The following OSBPL2 variants were observed in gnomAD, a reference collection of about 807,000 sequenced individuals.
OSBPL2 encodes the protein oxysterol binding protein like 2.
In OSBPL2, 18 loss-of-function variants were observed where a neutral mutation model predicts 58.4. That is an observed-to-expected ratio of 0.31 (90% confidence interval 0.21 to 0.46). The LOEUF is 0.46. Ranked by LOEUF, OSBPL2 falls within the 20% of genes least tolerant of loss-of-function variation. OSBPL2 has a pLI of 1.00. For synonymous variants in OSBPL2, 221 were observed against 234.1 expected (o/e 0.94, Z 0.51); for missense variants, 461 against 616.5 (o/e 0.75, Z 2.67).
Position 62,279,801 on chromosome 20 carries a change from C to T in OSBPL2, c.674+462C>T, listed in dbSNP as rs562078239. On this transcript the variant is annotated intron_variant, in intron 7 of 13. Transcript: ENST00000313733. Reference sequence around the variant, plus strand: ...TGGCGCCTGTGTCCTGGCTCCCCTTCTGGGCTGCTTGCTGCAGGGCACTGC... The same window carrying T: ...TGGCGCCTGTGTCCTGGCTCCCCTTTTGGGCTGCTTGCTGCAGGGCACTGC... 1.3e-4 allele frequency: 41 copies of T among 314,256 alleles called. No individual in the cohort carries two copies. The South Asian group carries it at 4.0e-3, about 31-fold the overall frequency. The allele number at this position is 314,256 out of a possible 1,614,324, so 19.5% of individuals were successfully genotyped here.
intron 1 of OSBPL2, among the ~76,000 whole-genome samples, chr20:62,239,632 C>G (rs1350780662): frequency 6.6e-6 from 1 of 152,200 alleles, no homozygotes; most frequent in African/African-American, 2.4e-5. Context: ...TGCTGTGGGC[C>G]TGGCTGGGTG....
At chr20:62,240,858 C>T (rs1042013633) in intron 1 of OSBPL2, among the ~76,000 whole-genome samples, 3 of 152,164 alleles carry the variant, frequency 2.0e-5, no homozygotes, top group East Asian at 1.9e-4. Context: ...CCACCCAGCT[C>T]CTTTGTTACT....
At chr20:62,284,838 C>T (rs1258365755) in intron 10 of OSBPL2, 1 of 152,234 alleles carries the variant, frequency 6.6e-6, no homozygotes, top group Non-Finnish European at 1.5e-5. Context: ...CTGGGTCCTT[C>T]TTAATAAATC....
intron 4 of OSBPL2, among the ~76,000 whole-genome samples, chr20:62,267,143 G>A (rs1223429343): frequency 1.3e-5 from 2 of 152,196 alleles, no homozygotes; most frequent in Admixed American, 1.3e-4. Flanking sequence ...TACTCGGGTG[G>A]CTGATGTAGG....
At chr20:62,263,761 G>A (rs1981475041) in intron 4 of OSBPL2, 70 bp downstream of exon 4, 1 of 1,412,746 alleles carries the variant, frequency 7.1e-7, no homozygotes, top group Non-Finnish European at 1.0e-6. Context: ...TGCAGTGCTG[G>A]TGGTTTAAGA....
intron 1 of OSBPL2, among the ~76,000 whole-genome samples, chr20:62,252,335 C>G (rs1484660083): frequency 2.6e-5 from 4 of 152,178 alleles, no homozygotes; most frequent in African/African-American, 9.7e-5. Context: ...CCCTCTCCTT[C>G]TCTCTTTCTG....
At chr20:62,250,258 C>T (rs1417742537) in intron 1 of OSBPL2, among the ~76,000 whole-genome samples, 2 of 152,074 alleles carry the variant, frequency 1.3e-5, no homozygotes, top group Admixed American at 6.5e-5. Context: ...GATAAGGCCT[C>T]TTCATTTTTC....
intron 4 of OSBPL2, among the ~76,000 whole-genome samples, chr20:62,263,997 G>A (rs1305012441): frequency 1.3e-5 from 2 of 151,404 alleles, no homozygotes; most frequent in East Asian, 1.9e-4. Context: ...CCCAGGAGGC[G>A]GAGGTTGCAG....
chr20:62,267,204 T>C (rs1981736733), intron 4 of OSBPL2, among the ~76,000 whole-genome samples: 1 of 152,160 alleles, frequency 6.6e-6, no homozygotes, highest in African/African-American at 2.4e-5. Context: ...GTGATCACAT[T>C]ACTACACTCC....
Position 62,279,311 on chromosome 20 carries a change from C to G in OSBPL2, c.646C>G (p.Arg216Gly). Residue 216 changes from arginine (R) to glycine (G), a missense_variant, in exon 7 of 14, where the codon CGA becomes GGA. By Grantham distance (125) the Arg-to-Gly change is moderately radical (BLOSUM62 -2). This residue lies in a region of OSBPL2 where 319 missense variants were observed against 419.2 expected (regional missense o/e 0.76). Coordinates refer to ENST00000313733, the MANE Select transcript of OSBPL2 (RefSeq NM_144498.4). Reference protein sequence around the residue: ...FWGKSVEAEPRGTITLELLKH... With the variant: ...FWGKSVEAEPGGTITLELLKH... ...GGGCAAAAGCGTGGAGGCGGAGCCC[C>G]GAGGCACCATCACCCTGGAGCTGCT... 1 of 1,614,184 alleles carries G rather than the reference C, an allele frequency of 6.2e-7. No homozygotes were observed. Among genetic ancestry groups the G allele is most frequent in the Non-Finnish European group, 8.5e-7 (1 of 1,180,028 alleles).
intron 4 of OSBPL2, among the ~76,000 whole-genome samples, chr20:62,267,665 C>T (rs989067613): frequency 1.3e-5 from 2 of 152,188 alleles, no homozygotes; most frequent in African/African-American, 4.8e-5. Context: ...CTCATGTCTG[C>T]GTCTCTTTTC....
At chr20:62,243,033 G>A in intron 1 of OSBPL2, among the ~76,000 whole-genome samples, 1 of 152,190 alleles carries the variant, frequency 6.6e-6, no homozygotes, top group Non-Finnish European at 1.5e-5. Flanking sequence ...AGAGCCCCCT[G>A]TAACCTGGGA....
rs139953309 is a variant in OSBPL2, at chr20:62,291,288, G to A, written c.1250-415G>A. ...CACAGAAGCCACATGGCAGTTACCC[G>A]GGAAGGTCAAGGCTAAAGGGAGCTC... is the stretch of plus-strand genomic sequence containing the variant. On this transcript the variant is annotated intron_variant, in intron 12 of 13. Transcript: ENST00000313733. The A allele has an allele frequency of 3.8e-3, 1,100 of 288,518 alleles. 17 individuals carry two copies. The highest frequency in any genetic ancestry group is 0.021 in the African/African-American group (968 of 45,492). 17.9% of individuals were successfully genotyped at this position (288,518 alleles called of 1,614,324 possible). A position where few individuals can be genotyped will look rare whatever the true frequency, so the allele number is the denominator to read the frequency against.
At chr20:62,279,653 C>G (rs1982650485) in intron 7 of OSBPL2, 1 of 426,808 alleles carries the variant, frequency 2.3e-6, no homozygotes, top group Non-Finnish European at 4.3e-6. Flanking sequence ...CGGCATCATT[C>G]ATTGTATTTC....
At chr20:62,255,076 C>T (rs1660504655) in intron 1 of OSBPL2, 1 of 151,280 alleles carries the variant, frequency 6.6e-6, no homozygotes, top group African/African-American at 2.4e-5. Context: ...AGCTCACCTG[C>T]TCTCTCTGAC....
chr20:62,243,328 A>G (rs1473769813), intron 1 of OSBPL2, among the ~76,000 whole-genome samples: 1 of 152,194 alleles, frequency 6.6e-6, no homozygotes, highest in Non-Finnish European at 1.5e-5. Context: ...CACCTGTGGG[A>G]AATGCTGGAA....
At chr20:62,244,644 C>T (rs987658791) in intron 1 of OSBPL2, among the ~76,000 whole-genome samples, 5 of 152,248 alleles carry the variant, frequency 3.3e-5, no homozygotes, top group East Asian at 1.9e-4. Context: ...TAATGTTCCT[C>T]GAGGTGCGTG....
intron 1 of OSBPL2, among the ~76,000 whole-genome samples, chr20:62,251,928 C>A (rs1980581105): frequency 8.8e-6 from 1 of 113,256 alleles, no homozygotes; most frequent in South Asian, 3.2e-4. Context: ...GTCACTCAGG[C>A]TAGAGTGCAG....
At chr20:62,275,596 C>T (rs778932901) in intron 6 of OSBPL2, among the ~76,000 whole-genome samples, 8 of 152,036 alleles carry the variant, frequency 5.3e-5, no homozygotes, top group South Asian at 2.1e-4. Context: ...TACAGGCGTG[C>T]GCCACCATGC....
Sources: allele counts gnomAD v4.1 joint callset (sites outside exome capture counted in the v4.1 genomes callset), GRCh38; gene constraint gnomAD v4.1.1; regional missense constraint gnomAD v4.1.1; transcripts MANE v1.5; gene names NCBI Gene and HGNC (gene_info 2026-07-23, HGNC 2026-07-21).